Variants in NCR3LG1 observed in about 807,000 individuals in gnomAD.
The protein encoded by NCR3LG1 is natural cytotoxicity triggering receptor 3 ligand 1.
Under a neutral mutation model 34.8 loss-of-function variants are expected in NCR3LG1, and 35 were observed. That is an observed-to-expected ratio of 1.01 (90% CI 0.77 to 1.33). NCR3LG1 has a LOEUF of 1.33. NCR3LG1 is among the 40% of genes most tolerant of loss of function. The pLI is 0.00. For synonymous variants in NCR3LG1, 173 were observed against 163.6 expected (o/e 1.06, Z -0.44); for missense variants, 452 against 423.3 (o/e 1.07, Z -0.60).
chr11:17,366,890 C>T, intron 2 of NCR3LG1, 119 bp from the exon 3 acceptor site: 2 of 691,972 alleles, frequency 2.9e-6, no homozygotes, highest in Admixed American at 5.8e-5. Context: ...TTTGTCTTAT[C>T]TGGCTACAGG....
rs1953476751 is a variant in NCR3LG1 at position 17,376,356 on chromosome 11, T to C, written c.*3844T>C. On this transcript the variant is annotated 3_prime_UTR_variant, in exon 5 of 5. Transcript: ENST00000338965. ...CTTCCAAAACAACAATGGTCCCTCA[T>C]TTAAAGAAGCCTCTACCCAGTAGGG... is the stretch of plus-strand genomic sequence containing the variant. 6.6e-6 allele frequency: 1 copy of C among 152,188 alleles called. No individual in the cohort carries two copies. Among genetic ancestry groups the C allele is most frequent in the South Asian group, 2.1e-4 (1 of 4,826 alleles). 9.4% of individuals were successfully genotyped at this position (152,188 alleles called of 1,614,324 possible).
In NCR3LG1 at chr11:17,351,949, T is replaced by C. The variant is rs574035053; in HGVS notation, c.-21T>C. ...CCTGCTCCCACTCGGCGAAAAAAAT[T>C]ACACAACAGCAGCCGCGGCGATGAC... On this transcript the variant is annotated 5_prime_UTR_variant, in exon 1 of 5. Transcript: ENST00000338965. 4.6e-6 allele frequency: 7 copies of C among 1,507,982 alleles called. No homozygotes were observed. In the East Asian group the frequency reaches 7.8e-5, roughly 17 times the overall value. 93.4% of individuals were successfully genotyped at this position (1,507,982 alleles called of 1,614,324 possible).
In NCR3LG1 at chr11:17,376,162, A is replaced by T. The variant is rs1436981341; in HGVS notation, c.*3650A>T. The T allele has an allele frequency of 6.6e-6, 1 of 152,264 alleles. No individual in the cohort carries two copies. The highest frequency in any genetic ancestry group is 2.4e-5 in the African/African-American group (1 of 41,464). The allele number at this position is 152,264 out of a possible 1,614,324, so 9.4% of individuals were successfully genotyped here. A position where few individuals can be genotyped will look rare whatever the true frequency, so the allele number is the denominator to read the frequency against. On this transcript the variant is annotated 3_prime_UTR_variant, in exon 5 of 5. Coordinates refer to ENST00000338965, the MANE Select transcript of NCR3LG1 (RefSeq NM_001202439.3). ...GGAAGTTACTCAGGGGAGGACTGGCAGATAGACTTCACCCATATGCCCAAA... is the reference window on the plus strand; with the variant it reads ...GGAAGTTACTCAGGGGAGGACTGGCTGATAGACTTCACCCATATGCCCAAA...
chr11:17,356,281 G>A (rs1362262734), intron 1 of NCR3LG1, among the ~76,000 whole-genome samples: 1 of 151,642 alleles, frequency 6.6e-6, no homozygotes, highest in Non-Finnish European at 1.5e-5. Context: ...GGGATTACAG[G>A]TGTGCACCAC....
downstream of NCR3LG1, chr11:17,380,870 G>GCCC (rs1375377783): frequency 6.6e-6 from 1 of 152,102 alleles, no homozygotes; most frequent in Non-Finnish European, 1.5e-5. Context: ...TGAAGTGTTT[G>GCCC]GTCTTTATTT....
Position 17,367,912 on chromosome 11 carries a change from G to A in NCR3LG1, c.760+565G>A, listed in dbSNP as rs192028638. ...CAGCTCACCACAACCTCTACCTCCC[G>A]TGTTCAAGCGATTCTCCTGCCTCAG... On this transcript the variant is annotated intron_variant, in intron 3 of 4. Transcript: ENST00000338965. Among the ~76,000 whole-genome samples, 570 of 151,230 alleles carry A rather than the reference G, an allele frequency of 3.8e-3. 3 individuals are homozygous for A. The highest frequency in any genetic ancestry group is 6.4e-3 in the Non-Finnish European group (436 of 67,916).
intron 1 of NCR3LG1, among the ~76,000 whole-genome samples, chr11:17,353,688 T>C (rs1407749267): frequency 6.7e-6 from 1 of 148,482 alleles, no homozygotes; most frequent in Non-Finnish European, 1.5e-5. Context: ...GAACGCCGTT[T>C]GGCTGTGCGG....
At chr11:17,353,770 A>T (rs1005141170) in intron 1 of NCR3LG1, among the ~76,000 whole-genome samples, 2 of 152,144 alleles carry the variant, frequency 1.3e-5, no homozygotes, top group African/African-American at 4.8e-5. Context: ...AGCCACGAGG[A>T]GCGCGGCGGC....
intron 2 of NCR3LG1, among the ~76,000 whole-genome samples, chr11:17,361,579 C>T (rs911371502): frequency 6.6e-6 from 1 of 152,110 alleles, no homozygotes; most frequent in African/African-American, 2.4e-5. Flanking sequence ...GCCACCACAC[C>T]TGGCCAATGG....
intron 2 of NCR3LG1, among the ~76,000 whole-genome samples, chr11:17,360,357 A>G (rs1391476736): frequency 6.6e-6 from 1 of 152,184 alleles, no homozygotes; most frequent in East Asian, 1.9e-4. Context: ...CATTCTCTTA[A>G]CAATGTCTTT....
At chr11:17,363,506 C>T (rs117365382) in intron 2 of NCR3LG1, among the ~76,000 whole-genome samples, 5,749 of 70,704 alleles carry the variant, frequency 0.081, 318 homozygotes, top group Middle Eastern at 0.15. Flanking sequence ...TCTTTTCCCT[C>T]CCTCCCTCCC....
At chr11:17,377,344 C>T (rs1324599612), downstream of NCR3LG1, 2 of 145,560 alleles carry the variant, frequency 1.4e-5, no homozygotes, top group Admixed American at 1.4e-4. Flanking sequence ...AAAAAAAAGC[C>T]AGGCGTGGTG....
intron 4 of NCR3LG1, among the ~76,000 whole-genome samples, chr11:17,369,248 T>C (rs930816531): frequency 1.3e-5 from 2 of 152,216 alleles, no homozygotes; most frequent in African/African-American, 4.8e-5. Context: ...TAAACAAGTA[T>C]TATATCTCTG....
intron 1 of NCR3LG1, among the ~76,000 whole-genome samples, chr11:17,352,693 A>T (rs570143978): frequency 2.0e-5 from 3 of 152,052 alleles, no homozygotes; most frequent in Non-Finnish European, 4.4e-5. Context: ...GGTAAATTGG[A>T]AAAATCATTC....
At chr11:17,362,902 CTT>C (rs1165234472) in intron 2 of NCR3LG1, among the ~76,000 whole-genome samples, 919 of 88,820 alleles carry the variant, frequency 0.01, 35 homozygotes, top group African/African-American at 0.043. Context: ...CCTCCCCTCC[CTT>C]CCCTTCCCTT....
At chr11:17,355,183 G>T (rs986309961) in intron 1 of NCR3LG1, among the ~76,000 whole-genome samples, 2 of 152,146 alleles carry the variant, frequency 1.3e-5, no homozygotes, top group Non-Finnish European at 2.9e-5. Context: ...GATTGCTTGA[G>T]CCCAGGAGTT....
At chr11:17,369,002 G>C in intron 4 of NCR3LG1, 38 bp downstream of exon 4, 1 of 1,381,422 alleles carries the variant, frequency 7.2e-7, no homozygotes, top group Non-Finnish European at 9.8e-7. Context: ...CCTGTGTCTT[G>C]GGCTAGTAAA....
In NCR3LG1 at chr11:17,376,241, A is replaced by ACC; in HGVS notation, c.*3729_*3730insCC. 2 of 152,332 alleles carry ACC rather than the reference A, an allele frequency of 1.3e-5. No individual in the cohort carries two copies. Among genetic ancestry groups the ACC allele is most frequent in the Non-Finnish European group, 2.9e-5 (2 of 68,024 alleles). 9.4% of individuals were successfully genotyped at this position (152,332 alleles called of 1,614,324 possible). On this transcript the variant is annotated 3_prime_UTR_variant, in exon 5 of 5. Transcript: ENST00000338965. ...GGGTGCATACCTTCATTAACTGGGTAGAGGCATTCCCATGCCCAACAGAAA... is the reference window on the plus strand; with the variant it reads ...GGGTGCATACCTTCATTAACTGGGTACCGAGGCATTCCCATGCCCAACAGAAA...
rs1003969925 is a variant in NCR3LG1 at position 17,373,870 on chromosome 11, G to A, written c.*1358G>A. 2 of 152,170 alleles carry A rather than the reference G, an allele frequency of 1.3e-5. No homozygotes were observed. Among genetic ancestry groups the A allele is most frequent in the Non-Finnish European group, 1.5e-5 (1 of 68,080 alleles). The allele number at this position is 152,170 out of a possible 1,614,324, so 9.4% of individuals were successfully genotyped here. On this transcript the variant is annotated 3_prime_UTR_variant, in exon 5 of 5. Transcript: ENST00000338965. The stretch of plus-strand genomic sequence containing the variant: ...AGGACAAACTCCGCCTCCCCTTAGT[G>A]GAAACCAGTATTAACCCAGAGGTTT...
Sources: allele counts gnomAD v4.1 joint callset (sites outside exome capture counted in the v4.1 genomes callset), GRCh38; gene constraint gnomAD v4.1.1; transcripts MANE v1.5; gene names NCBI Gene and HGNC (gene_info 2026-07-23, HGNC 2026-07-21).